F2RL3: variants seen among roughly 807,000 people sequenced by gnomAD.
F2RL3 encodes the protein F2R like thrombin or trypsin receptor 3, also known as proteinase-activated receptor 4.
Under a neutral mutation model 4.9 loss-of-function variants are expected in F2RL3, and 3 were observed. The observed-to-expected ratio is 0.61, with a 90% CI of 0.28 to 1.58. The LOEUF (loss-of-function observed/expected upper bound fraction) is 1.58. Among genes scored for constraint, F2RL3 ranks in the 40% most tolerant of loss-of-function variants. F2RL3 has a pLI of 0.11. For missense variants in F2RL3, 564 were observed against 550.4 expected, an observed-to-expected ratio of 1.02 and a Z score of -0.25; for synonymous variants, 284 against 278.4, an observed-to-expected ratio of 1.02 and a Z score of -0.20.
Position 16,890,645 on chromosome 19 carries a change from G to A in F2RL3, c.*24G>A, listed in dbSNP as rs775835585. The A allele has an allele frequency of 1.4e-6, 2 of 1,474,730 alleles. No homozygotes were observed. Among genetic ancestry groups the A allele is most frequent in the Non-Finnish European group, 1.8e-6 (2 of 1,096,044 alleles). The allele number at this position is 1,474,730 out of a possible 1,614,324, so 91.4% of individuals were successfully genotyped here. ...GACACAAAGTGGGGAAGGCTGTACT[G>A]GGTCGAACAGGGTCCCTTCCCCCAC... On this transcript the variant is annotated 3_prime_UTR_variant, in exon 2 of 2. Transcript: ENST00000248076.
chr19:16,889,092 C>A lies in F2RL3; in HGVS notation c.-98C>A. Reference sequence around the variant, plus strand: ...AGCCTTCCTGGTTTATCTCTACCGGCGCGATCTGCTCGTCCGCCTCGGCTC... The same window carrying A: ...AGCCTTCCTGGTTTATCTCTACCGGAGCGATCTGCTCGTCCGCCTCGGCTC... On this transcript the variant is annotated 5_prime_UTR_variant, in exon 1 of 2. Coordinates refer to ENST00000248076, the MANE Select transcript of F2RL3 (RefSeq NM_003950.4). The A allele has an allele frequency of 2.2e-6, 2 of 920,944 alleles. No homozygotes were observed. Among genetic ancestry groups the A allele is most frequent in the Non-Finnish European group, 3.1e-6 (2 of 641,864 alleles). The allele number at this position is 920,944 out of a possible 1,614,324, so 57.0% of individuals were successfully genotyped here.
chr19:16,890,380 A>G lies in F2RL3; in HGVS notation c.917A>G (p.His306Arg), dbSNP rs1365132363. 1 of 1,608,610 alleles carries G rather than the reference A, an allele frequency of 6.2e-7. No homozygotes were observed. Residue 306 changes from histidine to arginine, a missense_variant, in exon 2 of 2, where the codon CAT (histidine) becomes CGT (arginine). Transcript: ENST00000248076. ...FVPSNLLLLL[H>R]YSDPSPSAWG... The stretch of plus-strand genomic sequence containing the variant: ...CCCAGCAACCTGCTGCTGCTGCTGC[A>G]TTACTCGGACCCGAGCCCCAGCGCC...
Position 16,890,704 on chromosome 19 carries a change from T to C in F2RL3, c.*83T>C. On this transcript the variant is annotated 3_prime_UTR_variant, in exon 2 of 2. Coordinates refer to ENST00000248076, the MANE Select transcript of F2RL3 (RefSeq NM_003950.4). ...CTTCCTGGGACCTCAGAATGTGACC[T>C]TATTTGGAAATAGGGTTGTTACAAC... 9.4e-7 allele frequency: 1 copy of C among 1,060,308 alleles called. No homozygotes were observed. 65.7% of individuals were successfully genotyped at this position (1,060,308 alleles called of 1,614,324 possible).
At position 16,890,244 on chromosome 19, in the gene F2RL3, C is replaced by A; in HGVS notation, c.781C>A (p.Leu261Met). 6.4e-7 allele frequency: 1 copy of A among 1,571,334 alleles called. No homozygotes were observed. Among genetic ancestry groups the A allele is most frequent in the East Asian group, 2.3e-5 (1 of 43,374 alleles). ...LGCFLPLLAMLLCYGATLHTL... is the reference protein window; with the variant it reads ...LGCFLPLLAMMLCYGATLHTL... The stretch of plus-strand genomic sequence containing the variant: ...CTGTTTCCTGCCCCTGCTGGCCATG[C>A]TGCTGTGCTACGGGGCCACCCTGCA... Residue 261 changes from leucine (L) to methionine (M), a missense_variant, in exon 2 of 2, where the codon CTG becomes ATG. Physicochemically the swap from Leu to Met is conservative, Grantham distance 15. Coordinates refer to ENST00000248076, the MANE Select transcript of F2RL3 (RefSeq NM_003950.4).
At position 16,889,293 on chromosome 19, in the gene F2RL3, G is replaced by C. The variant is rs1357855101; in HGVS notation, c.104G>C (p.Gly35Ala). The change falls in exon 1 of 2, where the codon GGT becomes GCT. Residue 35 changes from glycine to alanine, a missense_variant. Transcript: ENST00000248076. ...GACGAGAGCGGGAGCACCGGAGGTG[G>C]TGATGGTGAGTGGTCCTGGCTTTGG... The part of the protein sequence containing the change: ...VYDESGSTGG[G>A]DDSTPSILPA... 2.5e-6 allele frequency: 4 copies of C among 1,589,994 alleles called. No individual in the cohort carries two copies. The East Asian group carries it at 9.1e-5, about 36-fold the overall frequency.
chr19:16,890,816 T>C lies in F2RL3; in HGVS notation c.*195T>C. Reference sequence around the variant, plus strand: ...TCATAAGATAAGGAGAGGCCAGGCCTGGTGGCTCACGCCTGTAATCCCAGC... The same window carrying C: ...TCATAAGATAAGGAGAGGCCAGGCCCGGTGGCTCACGCCTGTAATCCCAGC... On this transcript the variant is annotated 3_prime_UTR_variant, in exon 2 of 2. Transcript: ENST00000248076. 1.7e-6 allele frequency: 1 copy of C among 596,130 alleles called. No individual in the cohort carries two copies. The highest frequency in any genetic ancestry group is 2.8e-5 in the East Asian group (1 of 35,116). 36.9% of individuals were successfully genotyped at this position (596,130 alleles called of 1,614,324 possible).
chr19:16,889,989 C>T lies in F2RL3; in HGVS notation c.526C>T (p.Leu176=). 1 of 1,598,794 alleles carries T rather than the reference C, an allele frequency of 6.3e-7. No individual in the cohort carries two copies. The highest frequency in any genetic ancestry group is 8.5e-7 in the Non-Finnish European group (1 of 1,176,608). ...GGCCGCCGTCAGCCTGGATCGCTAC[C>T]TGGCCCTGGTGCACCCGCTGCGGGC... is the stretch of plus-strand genomic sequence containing the variant. ...LLAAVSLDRY[L]ALVHPLRARA... The change falls in exon 2 of 2, where the codon CTG becomes TTG. Residue 176 remains leucine, a synonymous_variant. Coordinates refer to ENST00000248076, the MANE Select transcript of F2RL3 (RefSeq NM_003950.4).
In F2RL3 at chr19:16,889,166, G is replaced by A; in HGVS notation, c.-24G>A. On this transcript the variant is annotated 5_prime_UTR_variant, in exon 1 of 2. Coordinates refer to ENST00000248076, the MANE Select transcript of F2RL3 (RefSeq NM_003950.4). ...GCGAGGCAGGAAGCCTGAGGCCACA[G>A]CCCAGAGCAGCCTGAGTGCAGTCAT... 1 of 1,511,630 alleles carries A rather than the reference G, an allele frequency of 6.6e-7. No individual in the cohort carries two copies. Among genetic ancestry groups the A allele is most frequent in the Admixed American group, 2.1e-5 (1 of 48,610 alleles). The allele number at this position is 1,511,630 out of a possible 1,614,324, so 93.6% of individuals were successfully genotyped here.
In F2RL3 at chr19:16,889,704, C is replaced by T; in HGVS notation, c.241C>T (p.Pro81Ser). The change falls in exon 2 of 2, where the codon CCC becomes TCC. Residue 81 changes from proline (P) to serine (S), a missense_variant. Pro to Ser is a moderately conservative substitution (Grantham distance 74). Coordinates refer to ENST00000248076, the MANE Select transcript of F2RL3 (RefSeq NM_003950.4). ...LLGWVPTRLV[P>S]ALYGLVLVVG... ...GGGCTGGGTGCCCACCAGGCTGGTGCCCGCCCTCTATGGGCTGGTCCTGGT... is the reference window on the plus strand; with the variant it reads ...GGGCTGGGTGCCCACCAGGCTGGTGTCCGCCCTCTATGGGCTGGTCCTGGT... 6.2e-7 allele frequency: 1 copy of T among 1,607,770 alleles called. No individual in the cohort carries two copies. The highest frequency in any genetic ancestry group is 8.5e-7 in the Non-Finnish European group (1 of 1,179,612).
At chr19:16,889,446 A>G in intron 1 of F2RL3, 127 bp from the exon 2 acceptor site, 3 of 1,178,112 alleles carry the variant, frequency 2.5e-6, no homozygotes, top group Non-Finnish European at 3.6e-6. Context: ...GGGCTGGGCT[A>G]TTCCCTTGAG....
rs747654950 is a variant in F2RL3, at chr19:16,890,284, G to A, written c.821G>A (p.Ser274Asn). 1.5e-5 allele frequency: 24 copies of A among 1,558,530 alleles called. No individual in the cohort carries two copies. The highest frequency in any genetic ancestry group is 2.0e-5 in the Non-Finnish European group (23 of 1,158,340). Residue 274 changes from serine (S) to asparagine (N), a missense_variant, in exon 2 of 2, where the codon AGC becomes AAC. Transcript: ENST00000248076. Reference sequence around the variant, plus strand: ...GCCACCCTGCACACGCTGGCGGCCAGCGGCCGGCGCTACGGCCACGCGCTG... The same window carrying A: ...GCCACCCTGCACACGCTGGCGGCCAACGGCCGGCGCTACGGCCACGCGCTG... ...YGATLHTLAASGRRYGHALRL... is the reference protein window; with the variant it reads ...YGATLHTLAANGRRYGHALRL...
rs770801019 is a variant in F2RL3, at chr19:16,890,324, G to T, written c.861G>T (p.Val287=). The T allele has an allele frequency of 7.6e-6, 12 of 1,587,530 alleles. No individual in the cohort carries two copies. In the South Asian group the frequency reaches 9.0e-5, roughly 12 times the overall value. ...RYGHALRLTA[V]VLASAVAFFV... ...GCCACGCGCTGAGGCTGACCGCAGTGGTGCTGGCCTCCGCCGTGGCCTTCT... is the reference window on the plus strand; with the variant it reads ...GCCACGCGCTGAGGCTGACCGCAGTTGTGCTGGCCTCCGCCGTGGCCTTCT... The change falls in exon 2 of 2, where the codon GTG becomes GTT. Residue 287 remains valine (V), a synonymous_variant. Coordinates refer to ENST00000248076, the MANE Select transcript of F2RL3 (RefSeq NM_003950.4).
rs780663047 is a variant in F2RL3 at position 16,889,845 on chromosome 19, G to A, written c.382G>A (p.Ala128Thr). 6.3e-7 allele frequency: 1 copy of A among 1,597,318 alleles called. No homozygotes were observed. The highest frequency in any genetic ancestry group is 8.5e-7 in the Non-Finnish European group (1 of 1,178,020). The change falls in exon 2 of 2, where the codon GCG becomes ACG. Residue 128 changes from alanine to threonine, a missense_variant. Coordinates refer to ENST00000248076, the MANE Select transcript of F2RL3 (RefSeq NM_003950.4). ...LAAADLLLAL[A>T]LPPRIAYHLR... ...GGCTGCTGACCTCCTGCTGGCCCTG[G>A]CGCTGCCCCCGCGGATCGCCTACCA...
rs1049584702 is a variant in F2RL3 at position 16,891,060 on chromosome 19, G to A, written c.*439G>A. On this transcript the variant is annotated 3_prime_UTR_variant, in exon 2 of 2. Transcript: ENST00000248076. The stretch of plus-strand genomic sequence containing the variant: ...GCCGAGATTGCGCCACTGGACTCCA[G>A]CCTGCGTGACAGAGAGCCTGTCTCT... The A allele has an allele frequency of 5.0e-5, 8 of 160,930 alleles. No individual in the cohort carries two copies. The South Asian group carries it at 1.2e-3, about 24-fold the overall frequency. 10.0% of individuals were successfully genotyped at this position (160,930 alleles called of 1,614,324 possible).
rs759093357 is a variant in F2RL3 at position 16,890,138 on chromosome 19, C to T, written c.675C>T (p.Arg225=). 1.3e-5 allele frequency: 21 copies of T among 1,596,404 alleles called. No homozygotes were observed. The highest frequency in any genetic ancestry group is 5.3e-5 in the African/African-American group (4 of 74,880). ...CCTTCCGGCTGGCGCGCTCCGATCGCGTGCTCTGCCATGACGCGCTGCCCC... is the reference window on the plus strand; with the variant it reads ...CCTTCCGGCTGGCGCGCTCCGATCGTGTGCTCTGCCATGACGCGCTGCCCC... The part of the protein sequence containing the change: ...RQTFRLARSD[R]VLCHDALPLD... Residue 225 remains arginine (R), a synonymous_variant, in exon 2 of 2, where the codon CGC becomes CGT. Coordinates refer to ENST00000248076, the MANE Select transcript of F2RL3 (RefSeq NM_003950.4).
rs773583327 is a variant in F2RL3, at chr19:16,889,168, C to T, written c.-22C>T. 6.6e-6 allele frequency: 10 copies of T among 1,520,342 alleles called. No individual in the cohort carries two copies. In the Admixed American group the frequency reaches 8.1e-5, roughly 12 times the overall value. The allele number at this position is 1,520,342 out of a possible 1,614,324, so 94.2% of individuals were successfully genotyped here. On this transcript the variant is annotated 5_prime_UTR_variant, in exon 1 of 2. Coordinates refer to ENST00000248076, the MANE Select transcript of F2RL3 (RefSeq NM_003950.4). Reference sequence around the variant, plus strand: ...GAGGCAGGAAGCCTGAGGCCACAGCCCAGAGCAGCCTGAGTGCAGTCATGT... The same window carrying T: ...GAGGCAGGAAGCCTGAGGCCACAGCTCAGAGCAGCCTGAGTGCAGTCATGT...
Position 16,889,983 on chromosome 19 carries a change from C to T in F2RL3, c.520C>T (p.Arg174Cys), listed in dbSNP as rs1305258079. ...VLLLAAVSLD[R>C]YLALVHPLRA... ...GCTGCTGGCCGCCGTCAGCCTGGAT[C>T]GCTACCTGGCCCTGGTGCACCCGCT... Residue 174 changes from arginine to cysteine, a missense_variant, in exon 2 of 2, where the codon CGC (arginine) becomes TGC (cysteine). By Grantham distance (180) the Arg-to-Cys change is radical (BLOSUM62 -3). Coordinates refer to ENST00000248076, the MANE Select transcript of F2RL3 (RefSeq NM_003950.4). 5.6e-6 allele frequency: 9 copies of T among 1,597,778 alleles called. No homozygotes were observed. The highest frequency in any genetic ancestry group is 3.3e-5 in the South Asian group (3 of 90,090).
rs375615235 is a variant in F2RL3, at chr19:16,892,523, G to A, written c.*1902G>A. 6.3e-5 allele frequency: 10 copies of A among 158,248 alleles called. No individual in the cohort carries two copies. In the East Asian group the frequency reaches 1.3e-3, roughly 20 times the overall value. The allele number at this position is 158,248 out of a possible 1,614,324, so 9.8% of individuals were successfully genotyped here. Reference sequence around the variant, plus strand: ...GGGGTGGGGGTGGACAGTGTGTGCTGGGGGGTTCGGGTGCTGCAGACCTGG... The same window carrying A: ...GGGGTGGGGGTGGACAGTGTGTGCTAGGGGGTTCGGGTGCTGCAGACCTGG... On this transcript the variant is annotated 3_prime_UTR_variant, in exon 2 of 2. Transcript: ENST00000248076.
rs1185532402 is a variant in F2RL3, at chr19:16,890,058, G to T, written c.595G>T (p.Ala199Ser). ...GRRLALGLCM[A>S]AWLMAAALAL... The stretch of plus-strand genomic sequence containing the variant: ...GCGCCTGGCCCTTGGACTCTGCATG[G>T]CTGCTTGGCTCATGGCGGCCGCCCT... The change falls in exon 2 of 2, where the codon GCT becomes TCT. Residue 199 changes from alanine (A) to serine (S), a missense_variant. Transcript: ENST00000248076. 1.3e-6 allele frequency: 2 copies of T among 1,598,870 alleles called. No individual in the cohort carries two copies. Among genetic ancestry groups the T allele is most frequent in the East Asian group, 2.2e-5 (1 of 44,810 alleles).
Sources: allele counts gnomAD v4.1 joint callset, GRCh38; gene constraint gnomAD v4.1.1; transcripts MANE v1.5; gene names NCBI Gene and HGNC (gene_info 2026-07-23, HGNC 2026-07-21).